UBTF: variants seen among roughly 807,000 people sequenced by gnomAD.
UBTF encodes nucleolar transcription factor 1.
UBTF carries 8 observed loss-of-function variants against 112.3 expected under a neutral mutation model. That is an observed-to-expected ratio of 0.07 (90% confidence interval 0.04 to 0.13). The LOEUF (loss-of-function observed/expected upper bound fraction) is 0.13. Ranked by LOEUF, UBTF falls within the 10% of genes least tolerant of loss-of-function variation. The pLI is 1.00. For missense variants in UBTF, 457 were observed against 982.1 expected, an observed-to-expected ratio of 0.47 and a Z score of 7.15; for synonymous variants, 417 against 373.1, an observed-to-expected ratio of 1.12 and a Z score of -1.36.
chr17:44,209,589 C>T, intron 16 of UBTF, 48 bp from the exon 17 acceptor site: 1 of 1,613,218 alleles, frequency 6.2e-7, no homozygotes, highest in South Asian at 1.1e-5. Flanking sequence ...AACAAAGCAG[C>T]CATCCAGCCC....
intron 5 of UBTF, 90 bp downstream of exon 5, chr17:44,215,564 G>A: frequency 8.5e-6 from 13 of 1,525,102 alleles, no homozygotes; most frequent in Non-Finnish European, 1.2e-5. Context: ...CTGATGCCAG[G>A]TTTCTCCAAG....
chr17:44,218,350 C>A, intron 1 of UBTF, 54 bp from the exon 2 acceptor site: 1 of 1,095,058 alleles, frequency 9.1e-7, no homozygotes, highest in Non-Finnish European at 1.3e-6. Flanking sequence ...GAACGACTAA[C>A]GACTTTCTAA....
chr17:44,213,669 C>T (rs1294213822), intron 5 of UBTF, among the ~76,000 whole-genome samples: 1 of 152,230 alleles, frequency 6.6e-6, no homozygotes, highest in Non-Finnish European at 1.5e-5. Context: ...GCTCCTGTCA[C>T]TCCCTCTTCT....
In UBTF at chr17:44,212,838, T is replaced by A; in HGVS notation, c.641A>T (p.Tyr214Phe). The change falls in exon 7 of 21, where the codon TAT becomes TTT. Residue 214 changes from tyrosine (Y) to phenylalanine (F), a missense_variant. Tyr to Phe is a conservative substitution (Grantham distance 22). Around this residue, in one of 7 missense-constraint regions of UBTF, gnomAD observed 87 missense variants for 286.6 expected, o/e 0.30. Transcript: ENST00000436088. The part of the protein sequence containing the change: ...QLWYTHEKKV[Y>F]LKVRPDATTK... ...ACTCACATCTGGCCGCACTTTGAGA[T>A]ACACCTTCTTCTCGTGGGTGTACCA... 1 of 1,614,104 alleles carries A rather than the reference T, an allele frequency of 6.2e-7. No homozygotes were observed. The highest frequency in any genetic ancestry group is 8.5e-7 in the Non-Finnish European group (1 of 1,179,954).
chr17:44,212,724 C>T (rs2056772519), intron 7 of UBTF, 95 bp downstream of exon 7: 1 of 1,564,078 alleles, frequency 6.4e-7, no homozygotes, highest in Non-Finnish European at 8.7e-7. Context: ...GGCCTCCTCT[C>T]CTGCTCCCCT....
rs2056235275 is a variant in UBTF, at chr17:44,206,309, G to A, written c.*933C>T. Reference sequence around the variant, plus strand: ...GGCAAAACAGAGGATGTGGAGAACGGGGCAGCCTCAGCCTGCTCCCACCAG... The same window carrying A: ...GGCAAAACAGAGGATGTGGAGAACGAGGCAGCCTCAGCCTGCTCCCACCAG... On this transcript the variant is annotated 3_prime_UTR_variant, in exon 21 of 21. Transcript: ENST00000436088. 6.6e-6 allele frequency: 1 copy of A among 151,518 alleles called. No homozygotes were observed. The highest frequency in any genetic ancestry group is 2.4e-5 in the African/African-American group (1 of 41,134). The allele number at this position is 151,518 out of a possible 1,614,324, so 9.4% of individuals were successfully genotyped here.
Position 44,207,700 on chromosome 17 carries a change from G to A in UBTF, c.2024C>T (p.Ser675Leu), listed in dbSNP as rs754502227. The change falls in exon 19 of 21, where the codon TCG becomes TTG. Residue 675 changes from serine (S) to leucine (L), a missense_variant and splice_region_variant. Around this residue, in one of 7 missense-constraint regions of UBTF, gnomAD observed 139 missense variants for 157.5 expected, o/e 0.88. Coordinates refer to ENST00000436088, the MANE Select transcript of UBTF (RefSeq NM_014233.4). ...CTGCATCTGGGAGGGGCTCCTTACC[G>A]ACTTGGACTGCAGAGTAGTCCGGCT... ...KSSRTTLQSK[S>L]ESEEDDEEDE... 1.5e-5 allele frequency: 25 copies of A among 1,614,050 alleles called. No individual in the cohort carries two copies. The highest frequency in any genetic ancestry group is 1.1e-5 in the Non-Finnish European group (13 of 1,180,042).
At chr17:44,213,888 G>A (rs1338058785) in intron 5 of UBTF, among the ~76,000 whole-genome samples, 1 of 151,978 alleles carries the variant, frequency 6.6e-6, no homozygotes, top group East Asian at 1.9e-4. Flanking sequence ...CTTTCTCCAG[G>A]ATCCTGGCTG....
chr17:44,218,724 C>A (rs1233189688), intron 1 of UBTF, among the ~76,000 whole-genome samples: 1 of 151,704 alleles, frequency 6.6e-6, no homozygotes, highest in Admixed American at 6.6e-5. Context: ...GGCACGCGCC[C>A]CAGTCTCCTC....
At chr17:44,210,083 C>T (rs762468055) in intron 15 of UBTF, 41 bp downstream of exon 15, 19 of 1,607,818 alleles carry the variant, frequency 1.2e-5, no homozygotes, top group Admixed American at 1.7e-5. Context: ...GGGGAGTTCC[C>T]GAGCTTTCAA....
At chr17:44,208,963 T>C (rs1183217092) in intron 17 of UBTF, 2 of 331,788 alleles carry the variant, frequency 6.0e-6, no homozygotes, top group South Asian at 2.1e-5. Context: ...GGTGGGCGGA[T>C]CACATGAGGT....
At position 44,211,785 on chromosome 17, in the gene UBTF, C is replaced by G. The variant is rs769982895; in HGVS notation, c.906-38G>C. On this transcript the variant is annotated intron_variant, in intron 9 of 20. Transcript: ENST00000436088. The surrounding 1 kb of genome is among the most constrained non-coding windows in gnomAD (Gnocchi z 4.9). ...CGGGGAGAGAGGTGCAGCCCGTAAG[C>G]GAGCAGGGCAGCAGGCCTTCTCACC... 62 of 1,598,958 alleles carry G rather than the reference C, an allele frequency of 3.9e-5. No homozygotes were observed. Among genetic ancestry groups the G allele is most frequent in the Middle Eastern group, 1.7e-4 (1 of 6,022 alleles).
At chr17:44,213,109 C>A in intron 6 of UBTF, 109 bp downstream of exon 6, 1 of 1,533,362 alleles carries the variant, frequency 6.5e-7, no homozygotes, top group South Asian at 1.2e-5. Flanking sequence ...CACATGTGAC[C>A]CATCCTCTTC....
intron 5 of UBTF, among the ~76,000 whole-genome samples, chr17:44,214,265 G>T (rs1486551083): frequency 1.3e-5 from 2 of 152,172 alleles, no homozygotes; most frequent in Non-Finnish European, 2.9e-5. Context: ...AAAACCAGAA[G>T]CAGAGCTCAG....
At chr17:44,210,257 G>A in intron 14 of UBTF, 23 bp from the exon 15 acceptor site, 2 of 1,614,244 alleles carry the variant, frequency 1.2e-6, no homozygotes, top group Non-Finnish European at 1.7e-6. Context: ...AAGGGTATCA[G>A]CCGTGGGAGG....
chr17:44,206,413 T>TATACAC lies in UBTF; in HGVS notation c.*828_*829insGTGTAT, dbSNP rs2056240750. 1 of 146,702 alleles carries TATACAC rather than the reference T, an allele frequency of 6.8e-6. No individual in the cohort carries two copies. 9.1% of individuals were successfully genotyped at this position (146,702 alleles called of 1,614,324 possible). On this transcript the variant is annotated 3_prime_UTR_variant, in exon 21 of 21. Coordinates refer to ENST00000436088, the MANE Select transcript of UBTF (RefSeq NM_014233.4). ...ATGTGGGCTCTAGGACAGACCCCTT[T>TATACAC]ACACACACACACACACACTCACACT...
At chr17:44,219,320 C>G (rs1376792949) in intron 1 of UBTF, 125 bp downstream of exon 1, 1 of 151,166 alleles carries the variant, frequency 6.6e-6, no homozygotes, top group African/African-American at 2.4e-5. Flanking sequence ...GTGCCCTGGT[C>G]TGCTCGCGCC....
chr17:44,220,475 C>G (rs531863304), upstream of UBTF, among the ~76,000 whole-genome samples: 14 of 152,050 alleles, frequency 9.2e-5, no homozygotes, highest in East Asian at 2.7e-3. Flanking sequence ...CCTCGCGGTC[C>G]TCTCCTTGCC....
At position 44,216,062 on chromosome 17, in the gene UBTF, T is replaced by C. The variant is rs2046829165; in HGVS notation, c.235-73A>G. 2.5e-6 allele frequency: 3 copies of C among 1,211,292 alleles called. No individual in the cohort carries two copies. The South Asian group carries it at 3.7e-5, about 15-fold the overall frequency. 75.0% of individuals were successfully genotyped at this position (1,211,292 alleles called of 1,614,324 possible). ...GCCACACAGTAGTATACCCCCATCT[T>C]ATAACGGGTCTCTTCTACTCTTTAC... On this transcript the variant is annotated intron_variant, in intron 3 of 20. Transcript: ENST00000436088.
Sources: gnomAD v4.1 joint callset for allele counts (sites outside exome capture counted in the v4.1 genomes callset) on GRCh38, gnomAD v4.1.1 for gene constraint, gnomAD v4.1.1 regional missense constraint, Gnocchi (gnomAD v3.1) non-coding constraint, MANE v1.5 for transcripts, NCBI Gene and HGNC (gene_info 2026-07-23, HGNC 2026-07-21) for gene names.